TMEM117: variants seen among roughly 807,000 people sequenced by gnomAD.
TMEM117 encodes the protein transmembrane protein 117.
Under a neutral mutation model 52.4 loss-of-function variants are expected in TMEM117, and 27 were observed. That is an observed-to-expected ratio of 0.51 (90% CI 0.38 to 0.71). The LOEUF (loss-of-function observed/expected upper bound fraction) is 0.71, where lower values mean the gene tolerates loss of function less well. Ranked by LOEUF, TMEM117 falls within the 30% of genes least tolerant of loss-of-function variation. The pLI is 0.00. For synonymous variants in TMEM117, 215 were observed against 206.3 expected (o/e 1.04, Z -0.36); for missense variants, 556 against 630.5 (o/e 0.88, Z 1.26).
At chr12:43,973,242 A>G (rs1945620556) in intron 3 of TMEM117, among the ~76,000 whole-genome samples, 1 of 152,164 alleles carries the variant, frequency 6.6e-6, no homozygotes, top group Non-Finnish European at 1.5e-5. Context: ...ACCAGAATTT[A>G]TCTTAAGGCC....
At chr12:44,293,335 A>C (rs1023249951) in intron 5 of TMEM117, among the ~76,000 whole-genome samples, 1 of 152,020 alleles carries the variant, frequency 6.6e-6, no homozygotes, top group Non-Finnish European at 1.5e-5. Flanking sequence ...ATTCTCTTAT[A>C]GGCAGCTTAT....
chr12:44,234,129 G>T (rs549322501), intron 5 of TMEM117, among the ~76,000 whole-genome samples: 1 of 151,368 alleles, frequency 6.6e-6, no homozygotes, highest in Non-Finnish European at 1.5e-5. Context: ...ATCAGTTGGG[G>T]ATTGTATACT....
At chr12:44,362,138 T>C (rs1951729380) in intron 6 of TMEM117, among the ~76,000 whole-genome samples, 2 of 152,092 alleles carry the variant, frequency 1.3e-5, no homozygotes, top group African/African-American at 4.8e-5. Context: ...ATCCCTAGTT[T>C]ATTTCCTTTG....
chr12:44,192,908 T>C (rs1276590067), intron 4 of TMEM117, among the ~76,000 whole-genome samples: 2 of 152,166 alleles, frequency 1.3e-5, no homozygotes, highest in Non-Finnish European at 2.9e-5. Flanking sequence ...AATAAATATA[T>C]TGTAGGTCCT....
At chr12:44,215,469 T>C (rs1456581429) in intron 5 of TMEM117, among the ~76,000 whole-genome samples, 5 of 152,154 alleles carry the variant, frequency 3.3e-5, no homozygotes, top group African/African-American at 1.2e-4. Context: ...CGTAGTCCTT[T>C]TGATAATGAA....
At chr12:43,904,146 A>G (rs945275292) in intron 2 of TMEM117, among the ~76,000 whole-genome samples, 2 of 152,228 alleles carry the variant, frequency 1.3e-5, no homozygotes, top group Non-Finnish European at 2.9e-5. Flanking sequence ...TGATTTCTTA[A>G]TTTCCTCAAA....
At chr12:44,262,421 A>G (rs1388940483) in intron 5 of TMEM117, among the ~76,000 whole-genome samples, 1 of 152,234 alleles carries the variant, frequency 6.6e-6, no homozygotes, top group African/African-American at 2.4e-5. Flanking sequence ...TAGAACCAGT[A>G]AAACAGAGAA....
intron 3 of TMEM117, among the ~76,000 whole-genome samples, chr12:43,984,617 C>T (rs576413984): frequency 1.1e-4 from 16 of 152,260 alleles, no homozygotes; most frequent in Admixed American, 2.0e-4. Context: ...TAAATTAGAA[C>T]ATCAATTTCC....
At chr12:43,869,271 C>T (rs1445922969) in intron 2 of TMEM117, among the ~76,000 whole-genome samples, 1 of 152,038 alleles carries the variant, frequency 6.6e-6, no homozygotes, top group Non-Finnish European at 1.5e-5. Context: ...CTTGTAGCTG[C>T]CATCCTTCTC....
intron 7 of TMEM117, among the ~76,000 whole-genome samples, chr12:44,379,193 A>G (rs1951986075): frequency 6.6e-6 from 1 of 151,580 alleles, no homozygotes; most frequent in African/African-American, 2.4e-5. Flanking sequence ...GAAGAAAGGA[A>G]GGAAGGAAGG....
chr12:44,126,745 C>A (rs1948331789), intron 3 of TMEM117, among the ~76,000 whole-genome samples: 1 of 152,170 alleles, frequency 6.6e-6, no homozygotes, highest in African/African-American at 2.4e-5. Context: ...CCTCTATTCT[C>A]AAGAGGATTT....
At chr12:44,190,467 C>T (rs1045789024) in intron 4 of TMEM117, among the ~76,000 whole-genome samples, 1 of 152,092 alleles carries the variant, frequency 6.6e-6, no homozygotes, top group African/African-American at 2.4e-5. Flanking sequence ...AGGAGCATTG[C>T]TCAGGTGATT....
chr12:43,986,900 TA>T (rs1415098495), intron 3 of TMEM117, among the ~76,000 whole-genome samples: 1 of 152,198 alleles, frequency 6.6e-6, no homozygotes, highest in Admixed American at 6.6e-5. Context: ...TTTAAGGCTA[TA>T]TTTTTTTATT....
intron 3 of TMEM117, among the ~76,000 whole-genome samples, chr12:43,969,521 C>CA (rs140620082): frequency 0.049 from 7,062 of 144,290 alleles, 229 homozygotes; most frequent in Non-Finnish European, 0.074. Context: ...GACTCTGTAT[C>CA]AAAAAAATAA....
At position 44,023,245 on chromosome 12, in the gene TMEM117, T is replaced by G. The variant is rs569570991; in HGVS notation, c.410+78903T>G. On this transcript the variant is annotated intron_variant, in intron 3 of 7. Coordinates refer to ENST00000266534, the MANE Select transcript of TMEM117 (RefSeq NM_032256.3). The stretch of plus-strand genomic sequence containing the variant: ...ATCGTTGTTGGACATTTGGGTTGGT[T>G]CCAAGTCTTTGCTATTGTGAATAGT... 3.3e-5 allele frequency among the ~76,000 whole-genome samples: 5 copies of G among 152,342 alleles called. No individual in the cohort carries two copies. The South Asian group carries it at 1.0e-3, about 32-fold the overall frequency.
chr12:43,873,847 A>G (rs750362102), intron 2 of TMEM117, among the ~76,000 whole-genome samples: 7 of 151,996 alleles, frequency 4.6e-5, no homozygotes, highest in Non-Finnish European at 1.0e-4. Context: ...TGTCTTTTGC[A>G]TTCCTTTTTC....
At chr12:43,796,932 G>C in the TMEM117 span, 3 of 1,586,056 alleles carry the variant, frequency 1.9e-6, no homozygotes, top group East Asian at 4.5e-5. Flanking sequence ...GAAATGAAAA[G>C]AAAAATTTAG....
Position 43,905,445 on chromosome 12 carries a change from G to A in TMEM117, c.278-38765G>A, listed in dbSNP as rs149087436. Among the ~76,000 whole-genome samples the A allele has an allele frequency of 2.0e-3, 298 of 152,274 alleles. 1 individual carries two copies. The highest frequency in any genetic ancestry group is 6.7e-3 in the African/African-American group (278 of 41,572). Reference sequence around the variant, plus strand: ...CACCCTTCTTCTCCTGGCAGACACCGTGGCTGAAGACATTCTCCCATTAGA... The same window carrying A: ...CACCCTTCTTCTCCTGGCAGACACCATGGCTGAAGACATTCTCCCATTAGA... On this transcript the variant is annotated intron_variant, in intron 2 of 7. Coordinates refer to ENST00000266534, the MANE Select transcript of TMEM117 (RefSeq NM_032256.3).
intron 3 of TMEM117, among the ~76,000 whole-genome samples, chr12:44,014,667 T>C (rs758425511): frequency 6.6e-6 from 1 of 152,178 alleles, no homozygotes; most frequent in Non-Finnish European, 1.5e-5. Flanking sequence ...TACTATATGG[T>C]TAATCACCTA....
Sources: allele counts gnomAD v4.1 joint callset (sites outside exome capture counted in the v4.1 genomes callset), GRCh38; gene constraint gnomAD v4.1.1; transcripts MANE v1.5; gene names NCBI Gene and HGNC (gene_info 2026-07-23, HGNC 2026-07-21).